DDX60: variants seen among roughly 807,000 people sequenced by gnomAD.
DDX60 encodes the protein probable ATP-dependent RNA helicase DDX60.
A neutral mutation model predicts 212.8 loss-of-function variants in DDX60; 165 were observed. The ratio of observed to expected loss-of-function variants is 0.78; its 90% CI spans 0.68 to 0.88. DDX60 has a LOEUF of 0.88. Among genes scored for constraint, DDX60 ranks in the 40% least tolerant of loss-of-function variants. DDX60 has a pLI of 0.00. For missense variants in DDX60, 1,905 were observed against 2,003.9 expected (o/e 0.95, Z 0.94); for synonymous variants, 703 against 685.3 (o/e 1.03, Z -0.40).
At chr4:168,235,530 A>G (rs575684331) in intron 33 of DDX60, among the ~76,000 whole-genome samples, 1 of 152,244 alleles carries the variant, frequency 6.6e-6, no homozygotes, top group African/African-American at 2.4e-5. Context: ...AATTGTGTTC[A>G]CTGCTCTAGA....
intron 30 of DDX60, among the ~76,000 whole-genome samples, chr4:168,242,947 T>A (rs932463743): frequency 6.6e-6 from 1 of 152,242 alleles, no homozygotes; most frequent in Admixed American, 6.5e-5. Context: ...AATTGAAACA[T>A]GGGGGCGGGT....
intron 37 of DDX60, among the ~76,000 whole-genome samples, chr4:168,219,317 C>T (rs72693105): frequency 1.3e-5 from 2 of 151,626 alleles, no homozygotes; most frequent in Admixed American, 1.3e-4. Context: ...AATTATGAAC[C>T]TTTATAGCTC....
At position 168,283,483 on chromosome 4, in the gene DDX60, T is replaced by C. The variant is rs1735684642; in HGVS notation, c.1685A>G (p.Lys562Arg). ...GCTCTTGGGCCCACTAAAATCCTTC[T>C]TTGACTTAATAGTTTGAGTCACGAT... ...KIIVTQTIKS[K>R]KDFSGPKSKK... The change falls in exon 13 of 38, where the codon AAG (lysine) becomes AGG (arginine). Residue 562 changes from lysine (K) to arginine (R), a missense_variant. Coordinates refer to ENST00000393743, the MANE Select transcript of DDX60 (RefSeq NM_017631.6). The C allele has an allele frequency of 1.2e-6, 2 of 1,613,436 alleles. No homozygotes were observed. Among genetic ancestry groups the C allele is most frequent in the Admixed American group, 1.7e-5 (1 of 59,960 alleles).
rs1284483995 is a variant in DDX60 at position 168,236,369 on chromosome 4, T to A, written c.4416A>T (p.Ser1472=). 3 of 1,602,320 alleles carry A rather than the reference T, an allele frequency of 1.9e-6. No individual in the cohort carries two copies. Among genetic ancestry groups the A allele is most frequent in the Non-Finnish European group, 2.6e-6 (3 of 1,174,874 alleles). Residue 1472 remains serine (S), a synonymous_variant, in exon 33 of 38, where the codon TCA becomes TCT. Transcript: ENST00000393743. Reference sequence around the variant, plus strand: ...CCATAACGTCTTGAGAAAAATGTTTTGAGCCTATATAAAACAAAGTGTCTT... The same window carrying A: ...CCATAACGTCTTGAGAAAAATGTTTAGAGCCTATATAAAACAAAGTGTCTT... ...HDLCQPTRKG[S]KHFSQDVMEK...
intron 1 of DDX60, among the ~76,000 whole-genome samples, chr4:168,313,289 T>C (rs1022201615): frequency 6.6e-6 from 1 of 152,164 alleles, no homozygotes; most frequent in Non-Finnish European, 1.5e-5. Flanking sequence ...ACTTTTCAGG[T>C]AGCAAAATCA....
intron 22 of DDX60, chr4:168,263,515 C>T (rs573728572): frequency 6.6e-6 from 1 of 152,098 alleles, no homozygotes; most frequent in Non-Finnish European, 1.5e-5. Flanking sequence ...GTTTGTCTTC[C>T]CCCAAAACTT....
chr4:168,248,170 T>C lies in DDX60; in HGVS notation c.3963+18A>G, dbSNP rs767986390. ...TATTTCAGCAATACAATAAGCAAGT[T>C]TATGCATTTTGCAATACCTGTCTAT... is the stretch of plus-strand genomic sequence containing the variant. On this transcript the variant is annotated intron_variant, in intron 29 of 37. Transcript: ENST00000393743. 6.5e-7 allele frequency: 1 copy of C among 1,548,838 alleles called. No individual in the cohort carries two copies. The highest frequency in any genetic ancestry group is 2.3e-5 in the East Asian group (1 of 43,524).
Position 168,237,385 on chromosome 4 carries a change from G to A in DDX60, c.4312C>T (p.Leu1438Phe). 1.3e-6 allele frequency: 2 copies of A among 1,598,262 alleles called. No homozygotes were observed. Among genetic ancestry groups the A allele is most frequent in the Non-Finnish European group, 1.7e-6 (2 of 1,172,998 alleles). ...TCATGATAATGCAAATGTGATACAA[G>A]TCCAGCAAACCCCATAGGATTACCT... Reference protein sequence around the residue: ...QEGNPMGFAGLVSHLHYHEPS... With the variant: ...QEGNPMGFAGFVSHLHYHEPS... Residue 1438 changes from leucine to phenylalanine, a missense_variant, in exon 32 of 38, where the codon CTT becomes TTT. Physicochemically the swap from Leu to Phe is conservative, Grantham distance 22 (BLOSUM62 0). Coordinates refer to ENST00000393743, the MANE Select transcript of DDX60 (RefSeq NM_017631.6).
rs1379137628 is a variant in DDX60 at position 168,225,548 on chromosome 4, T to C, written c.4662A>G (p.Gln1554=). 2.5e-6 allele frequency: 4 copies of C among 1,606,170 alleles called. No individual in the cohort carries two copies. The highest frequency in any genetic ancestry group is 1.3e-5 in the African/African-American group (1 of 74,526). ...SKLADMNQEY[Q]LPLSKIKFTG... is the part of the protein sequence containing the mutation. Reference sequence around the variant, plus strand: ...ACTTACTGATTTTTGACAATGGGAGTTGATATTCCTGATTCATATCAGCCA... The same window carrying C: ...ACTTACTGATTTTTGACAATGGGAGCTGATATTCCTGATTCATATCAGCCA... Residue 1554 remains glutamine, a synonymous_variant, in exon 34 of 38, where the codon CAA becomes CAG. Transcript: ENST00000393743.
intron 23 of DDX60, 84 bp from the exon 24 acceptor site, chr4:168,262,212 C>A: frequency 2.1e-6 from 3 of 1,438,324 alleles, no homozygotes; most frequent in South Asian, 2.8e-5. Flanking sequence ...CATTAACAGC[C>A]TTACAAGTTT....
At chr4:168,236,218 C>T (rs1163149543) in intron 33 of DDX60, 34 bp downstream of exon 33, 2 of 1,595,700 alleles carry the variant, frequency 1.3e-6, no homozygotes, top group Non-Finnish European at 1.7e-6. Flanking sequence ...AGTGGTTTTA[C>T]ATTACTAAAT....
intron 30 of DDX60, among the ~76,000 whole-genome samples, chr4:168,243,231 C>G (rs923145225): frequency 4.6e-5 from 7 of 152,066 alleles, no homozygotes; most frequent in Admixed American, 3.9e-4. Flanking sequence ...GATGAAAATG[C>G]CCAAAGCAAT....
chr4:168,270,651 G>A (rs973518334), intron 19 of DDX60, among the ~76,000 whole-genome samples: 1 of 152,110 alleles, frequency 6.6e-6, no homozygotes, highest in African/African-American at 2.4e-5. Flanking sequence ...CCTTCATGAT[G>A]CAATATGAGA....
intron 30 of DDX60, among the ~76,000 whole-genome samples, chr4:168,240,358 G>A (rs1161749555): frequency 1.3e-5 from 2 of 152,084 alleles, no homozygotes; most frequent in Non-Finnish European, 2.9e-5. Flanking sequence ...CATGCTCATG[G>A]ACAGAAAGAA....
chr4:168,230,460 T>C (rs1468268782), intron 33 of DDX60, among the ~76,000 whole-genome samples: 8 of 152,106 alleles, frequency 5.3e-5, no homozygotes, highest in Non-Finnish European at 1.2e-4. Context: ...GACCATATGA[T>C]AGGCAACAAA....
intron 6 of DDX60, among the ~76,000 whole-genome samples, chr4:168,300,148 T>G (rs1466884499): frequency 8.2e-6 from 1 of 122,180 alleles, no homozygotes; most frequent in Non-Finnish European, 1.7e-5. Context: ...ACAGGGAAAA[T>G]CATTAATACA....
intron 33 of DDX60, 25 bp downstream of exon 33, chr4:168,236,227 A>C (rs1343243468): frequency 6.2e-7 from 1 of 1,602,892 alleles, no homozygotes; most frequent in Non-Finnish European, 8.5e-7. Flanking sequence ...ACATTACTAA[A>C]TTTTATCAGA....
chr4:168,224,161 G>A (rs187062450), intron 35 of DDX60, 82 bp downstream of exon 35: 54 of 1,489,114 alleles, frequency 3.6e-5, no homozygotes, highest in East Asian at 1.4e-4. Context: ...TGGGAAATTC[G>A]AAGTTCTTTC....
chr4:168,317,467 G>A (rs961562634), intron 1 of DDX60, among the ~76,000 whole-genome samples: 5 of 151,882 alleles, frequency 3.3e-5, no homozygotes, highest in Admixed American at 1.3e-4. Flanking sequence ...GGGAGGTAAA[G>A]AGGAAAAAAA....
Sources: allele counts gnomAD v4.1 joint callset (sites outside exome capture counted in the v4.1 genomes callset), GRCh38; gene constraint gnomAD v4.1.1; transcripts MANE v1.5; gene names NCBI Gene and HGNC (gene_info 2026-07-23, HGNC 2026-07-21).